Variants in NHSL2 observed in about 807,000 individuals in gnomAD.
NHSL2 encodes NHS-like protein 2.
NHSL2 carries 27 observed loss-of-function variants against 53.4 expected under a neutral mutation model. The ratio of observed to expected loss-of-function variants is 0.51; its 90% CI spans 0.37 to 0.70. NHSL2 has a LOEUF of 0.70. Ranked by LOEUF, NHSL2 falls within the 30% of genes least tolerant of loss-of-function variation. The pLI is 0.00. For missense variants in NHSL2, 892 were observed against 980.1 expected (o/e 0.91, Z 1.20); for synonymous variants, 408 against 404.1 (o/e 1.01, Z -0.12).
intron 1 of NHSL2, among the ~76,000 whole-genome samples, chrX:72,033,335 C>T (rs761386576): frequency 2.5e-4 from 28 of 110,733 alleles, no homozygotes; most frequent in South Asian, 2.3e-3. Context: ...TACAGGCGCA[C>T]GCCACCACGC....
intron 1 of NHSL2, among the ~76,000 whole-genome samples, chrX:71,927,009 G>A (rs1418514722): frequency 1.8e-5 from 2 of 111,609 alleles, no homozygotes; most frequent in Non-Finnish European, 3.8e-5. Flanking sequence ...AAGGAGAGTG[G>A]GCTGGGAATG....
Position 71,914,056 on chromosome X carries a change from T to G in NHSL2, c.280+2689T>G, listed in dbSNP as rs5991878. Reference sequence around the variant, plus strand: ...TTTGAGACTGCCCTAAAAGCTCTTGTAACTGGTATGGTGTGGGAGATGGGG... The same window carrying G: ...TTTGAGACTGCCCTAAAAGCTCTTGGAACTGGTATGGTGTGGGAGATGGGG... On this transcript the variant is annotated intron_variant, in intron 1 of 7. Transcript: ENST00000633930. Among the ~76,000 whole-genome samples the G allele has an allele frequency of 2.5e-3, 285 of 112,306 alleles. 2 individuals carry two copies. Among genetic ancestry groups the G allele is most frequent in the African/African-American group, 8.8e-3 (272 of 30,872 alleles).
chrX:72,141,458 C>A (rs1202180109), intron 6 of NHSL2: 1 of 117,674 alleles, frequency 8.5e-6, no homozygotes, highest in Non-Finnish European at 1.9e-5. Context: ...GTGTTAAGCA[C>A]ATTCACATTG....
At chrX:72,135,760 C>A (rs2042350802) in intron 4 of NHSL2, among the ~76,000 whole-genome samples, 1 of 112,354 alleles carries the variant, frequency 8.9e-6, no homozygotes, top group African/African-American at 3.2e-5. Flanking sequence ...CTTGGCCAGG[C>A]ACAGTGGCTC....
chrX:72,081,754 CTGAGA>C (rs2041794652), intron 1 of NHSL2, among the ~76,000 whole-genome samples: 1 of 112,675 alleles, frequency 8.9e-6, no homozygotes, highest in African/African-American at 3.2e-5. Context: ...AAAAACAGAG[CTGAGA>C]TAAGATCGTT....
At chrX:72,028,217 T>C (rs935849059) in intron 1 of NHSL2, among the ~76,000 whole-genome samples, 6 of 112,082 alleles carry the variant, frequency 5.4e-5, no homozygotes, top group African/African-American at 1.9e-4. Flanking sequence ...TTTTTTCAAC[T>C]TTGTTGGATG....
chrX:71,953,736 T>A (rs2041830645), intron 1 of NHSL2, among the ~76,000 whole-genome samples: 1 of 111,880 alleles, frequency 8.9e-6, no homozygotes, highest in Non-Finnish European at 1.9e-5. Flanking sequence ...TTTGAATAGT[T>A]CTACTAATAG....
chrX:72,119,641 A>G (rs2042166931), intron 1 of NHSL2, among the ~76,000 whole-genome samples: 1 of 112,570 alleles, frequency 8.9e-6, no homozygotes, highest in African/African-American at 3.2e-5. Context: ...TAGTTTTAAT[A>G]GTTTTTTAGT....
At chrX:72,118,858 C>T (rs1376768597) in intron 1 of NHSL2, among the ~76,000 whole-genome samples, 1 of 111,973 alleles carries the variant, frequency 8.9e-6, no homozygotes, top group Non-Finnish European at 1.9e-5. Flanking sequence ...AATCTAAGGC[C>T]TTAAAGATTT....
intron 1 of NHSL2, among the ~76,000 whole-genome samples, chrX:71,943,966 G>T (rs147210440): frequency 8.9e-6 from 1 of 112,024 alleles, no homozygotes; most frequent in Non-Finnish European, 1.9e-5. Context: ...CAGGAAGAAG[G>T]AGCAAAGGTT....
intron 1 of NHSL2, among the ~76,000 whole-genome samples, chrX:71,921,896 A>G (rs1270170187): frequency 1.8e-5 from 2 of 112,350 alleles, no homozygotes; most frequent in Non-Finnish European, 3.8e-5. Context: ...TCATGCAGGT[A>G]GATTATTGTG....
intron 1 of NHSL2, among the ~76,000 whole-genome samples, chrX:72,081,777 C>G (rs1031950143): frequency 1.8e-5 from 2 of 112,869 alleles, no homozygotes; most frequent in African/African-American, 3.2e-5. Context: ...GTTTCTCACT[C>G]TAACACAGCT....
intron 1 of NHSL2, among the ~76,000 whole-genome samples, chrX:71,959,659 G>A (rs2041858891): frequency 9.0e-6 from 1 of 111,126 alleles, no homozygotes; most frequent in African/African-American, 3.3e-5. Flanking sequence ...ACTAGGAAAC[G>A]TCTAATCTAC....
At chrX:72,035,057 G>A (rs1019082883) in intron 1 of NHSL2, among the ~76,000 whole-genome samples, 2 of 111,339 alleles carry the variant, frequency 1.8e-5, no homozygotes, top group African/African-American at 6.5e-5. Context: ...TGTCAGCATT[G>A]CTTTAAATGC....
intron 5 of NHSL2, among the ~76,000 whole-genome samples, chrX:72,137,434 C>T (rs756107486): frequency 6.2e-5 from 7 of 112,459 alleles, no homozygotes; most frequent in Non-Finnish European, 1.1e-4. Context: ...GTAGGTCTTC[C>T]GGGCTAATGA....
At chrX:72,055,792 A>G (rs1048018873) in intron 1 of NHSL2, among the ~76,000 whole-genome samples, 3 of 112,524 alleles carry the variant, frequency 2.7e-5, no homozygotes, top group African/African-American at 9.7e-5. Context: ...TCAACTGCTT[A>G]ACAGAAACGC....
intron 1 of NHSL2, among the ~76,000 whole-genome samples, chrX:72,027,109 A>G (rs997853975): frequency 6.2e-5 from 7 of 112,276 alleles, no homozygotes; most frequent in African/African-American, 1.9e-4. Context: ...TCCCTTCCCT[A>G]CACACCCTGA....
chrX:72,058,182 A>G (rs2042379836), intron 1 of NHSL2, among the ~76,000 whole-genome samples: 1 of 112,211 alleles, frequency 8.9e-6, no homozygotes, highest in Non-Finnish European at 1.9e-5. Flanking sequence ...TTTGGTGGAC[A>G]TTTTTCTCAA....
At chrX:71,913,396 C>T (rs2041613495) in intron 1 of NHSL2, among the ~76,000 whole-genome samples, 1 of 111,957 alleles carries the variant, frequency 8.9e-6, no homozygotes, top group Non-Finnish European at 1.9e-5. Context: ...CACCATCTGG[C>T]CACTCCCTTG....
Sources: allele counts gnomAD v4.1 joint callset (sites outside exome capture counted in the v4.1 genomes callset), GRCh38; gene constraint gnomAD v4.1.1; transcripts MANE v1.5; gene names NCBI Gene and HGNC (gene_info 2026-07-23, HGNC 2026-07-21).